Variants in CGNL1 observed in about 807,000 individuals in gnomAD.
CGNL1 encodes cingulin like 1, also known as cingulin-like protein 1.
Under a neutral mutation model 141.2 loss-of-function variants are expected in CGNL1, and 132 were observed. The observed-to-expected ratio is 0.93, with a 90% CI of 0.81 to 1.08. The LOEUF is 1.08. Ranked by LOEUF, CGNL1 falls within the 50% of genes least tolerant of loss-of-function variation. The pLI, the probability that CGNL1 is intolerant of heterozygous loss-of-function variation, is 0.00. For missense variants in CGNL1, 1,870 were observed against 1,588.6 expected (o/e 1.18, Z -3.01); for synonymous variants, 690 against 622.1 (o/e 1.11, Z -1.63).
Position 57,516,844 on chromosome 15 carries a change from G to T in CGNL1, c.2468G>T (p.Arg823Leu), listed in dbSNP as rs369076482. The T allele has an allele frequency of 6.2e-7, 1 of 1,614,160 alleles. No homozygotes were observed. Among genetic ancestry groups the T allele is most frequent in the Admixed American group, 1.7e-5 (1 of 60,032 alleles). The change falls in exon 9 of 19, where the codon CGC becomes CTC. Residue 823 changes from arginine to leucine, a missense_variant. Physicochemically the swap from Arg to Leu is moderately radical, Grantham distance 102. Coordinates refer to ENST00000281282, the MANE Select transcript of CGNL1 (RefSeq NM_032866.5). ...CAAGACCAGGCGGGGACTGAAATGC[G>T]CGTGAAGCTTCTGCAGGAGGAGAAT... The part of the protein sequence containing the change: ...SEQDQAGTEM[R>L]VKLLQEENEK...
At chr15:57,535,443 A>G (rs548311878) in intron 14 of CGNL1, among the ~76,000 whole-genome samples, 20 of 152,328 alleles carry the variant, frequency 1.3e-4, no homozygotes, top group African/African-American at 4.3e-4. Flanking sequence ...TGGAAGAATT[A>G]CTGGAAAGAG....
intron 1 of CGNL1, among the ~76,000 whole-genome samples, chr15:57,388,174 C>T (rs1031300079): frequency 1.3e-5 from 2 of 152,054 alleles, no homozygotes; most frequent in African/African-American, 4.8e-5. Context: ...GATTCTGGGG[C>T]CTTAGGGTCT....
intron 8 of CGNL1, among the ~76,000 whole-genome samples, chr15:57,487,098 C>G (rs1395746392): frequency 6.6e-6 from 1 of 152,104 alleles, no homozygotes; most frequent in African/African-American, 2.4e-5. Context: ...CCAGTGCAAC[C>G]ACACTAAACT....
At chr15:57,435,195 T>C (rs1200670768) in intron 1 of CGNL1, among the ~76,000 whole-genome samples, 1 of 152,130 alleles carries the variant, frequency 6.6e-6, no homozygotes, top group Non-Finnish European at 1.5e-5. Context: ...TGTAAGACCA[T>C]AGTATATAAT....
intron 4 of CGNL1, among the ~76,000 whole-genome samples, chr15:57,447,113 G>A (rs957150740): frequency 3.9e-5 from 6 of 151,978 alleles, no homozygotes; most frequent in East Asian, 3.9e-4. Context: ...TGGAACTGAC[G>A]TCTTAATATT....
intron 12 of CGNL1, 92 bp downstream of exon 12, chr15:57,524,843 C>A: frequency 7.8e-7 from 1 of 1,281,742 alleles, no homozygotes; most frequent in Non-Finnish European, 1.1e-6. Context: ...GGGGTAGATT[C>A]GTGAGACAGC....
In CGNL1 at chr15:57,531,752, T is replaced by C. The variant is rs755628911; in HGVS notation, c.3264T>C (p.Ser1088=). 17 of 1,611,630 alleles carry C rather than the reference T, an allele frequency of 1.1e-5. No individual in the cohort carries two copies. The highest frequency in any genetic ancestry group is 1.4e-5 in the Non-Finnish European group (17 of 1,177,718). Residue 1088 remains serine, a synonymous_variant, in exon 14 of 19, where the codon TCT becomes TCC. Transcript: ENST00000281282. Reference sequence around the variant, plus strand: ...AGAGAAACAACTCAGATTTGCTGTCTGAGAGGATCAGTAGGAGCAGGGAAC... The same window carrying C: ...AGAGAAACAACTCAGATTTGCTGTCCGAGAGGATCAGTAGGAGCAGGGAAC... ...EEERNNSDLL[S]ERISRSREQM...
chr15:57,518,607 C>T, intron 10 of CGNL1, 110 bp downstream of exon 10: 1 of 722,558 alleles, frequency 1.4e-6, no homozygotes, highest in Non-Finnish European at 2.4e-6. Flanking sequence ...ATGTAGCTCC[C>T]TTTCACCCAT....
At chr15:57,424,246 C>T (rs1179552779) in intron 1 of CGNL1, among the ~76,000 whole-genome samples, 4 of 152,218 alleles carry the variant, frequency 2.6e-5, no homozygotes, top group East Asian at 1.9e-4. Context: ...GGCACTCACA[C>T]GGCTTAGATC....
At chr15:57,444,660 A>T (rs1374362085) in intron 4 of CGNL1, among the ~76,000 whole-genome samples, 3 of 152,124 alleles carry the variant, frequency 2.0e-5, no homozygotes, top group Admixed American at 6.5e-5. Context: ...ATTATTTGTG[A>T]GAAGAAGGGA....
rs560047847 is a variant in CGNL1, at chr15:57,394,404, C to T, written c.-16+17837C>T. On this transcript the variant is annotated intron_variant, in intron 1 of 18. Transcript: ENST00000281282. ...CCTCCCAAAGTGCTGGGATTACAGG[C>T]GTGAACCACCATGCCCGGCTTATTT... 3.2e-4 allele frequency among the ~76,000 whole-genome samples: 48 copies of T among 152,196 alleles called. 2 individuals are homozygous for T. In the South Asian group the frequency reaches 8.9e-3, roughly 28 times the overall value.
intron 1 of CGNL1, chr15:57,407,361 C>G (rs141751828): frequency 1.3e-5 from 2 of 151,958 alleles, no homozygotes; most frequent in African/African-American, 4.8e-5. Context: ...TAAGTAATTG[C>G]GAAAAAATAG....
At chr15:57,515,613 A>T (rs1238588698) in intron 8 of CGNL1, among the ~76,000 whole-genome samples, 3 of 152,058 alleles carry the variant, frequency 2.0e-5, no homozygotes, top group Non-Finnish European at 4.4e-5. Context: ...CTGCCTGGAG[A>T]GGTGGAATGT....
chr15:57,492,328 C>T (rs557250952), intron 8 of CGNL1, among the ~76,000 whole-genome samples: 1 of 152,278 alleles, frequency 6.6e-6, no homozygotes, highest in African/African-American at 2.4e-5. Context: ...TCCTCAGAGG[C>T]ATCACACACA....
intron 1 of CGNL1, among the ~76,000 whole-genome samples, chr15:57,391,109 A>C (rs1236173567): frequency 6.6e-6 from 1 of 152,208 alleles, no homozygotes; most frequent in Non-Finnish European, 1.5e-5. Flanking sequence ...GTCTTCAGCC[A>C]ACCAGCTCAA....
chr15:57,537,855 G>A (rs2032345835), intron 14 of CGNL1, among the ~76,000 whole-genome samples: 1 of 152,200 alleles, frequency 6.6e-6, no homozygotes, highest in Non-Finnish European at 1.5e-5. Flanking sequence ...TAATTTGACT[G>A]GAAAGTTTTT....
intron 9 of CGNL1, among the ~76,000 whole-genome samples, chr15:57,517,467 G>A (rs1411299984): frequency 6.6e-6 from 1 of 152,194 alleles, no homozygotes; most frequent in African/African-American, 2.4e-5. Context: ...AGTAGGAAAG[G>A]GCAGCTGACA....
chr15:57,377,134 C>T (rs1333009951), intron 1 of CGNL1: 1 of 152,222 alleles, frequency 6.6e-6, no homozygotes, highest in South Asian at 2.1e-4. Context: ...CGGGACTTTT[C>T]CAAGTTGCAT....
intron 1 of CGNL1, among the ~76,000 whole-genome samples, chr15:57,408,775 C>T (rs1263437785): frequency 6.6e-6 from 1 of 152,102 alleles, no homozygotes; most frequent in Admixed American, 6.5e-5. Context: ...GTGGCTCATG[C>T]CTGTAATCCC....
Sources: gnomAD v4.1 joint callset for allele counts (sites outside exome capture counted in the v4.1 genomes callset) on GRCh38, gnomAD v4.1.1 for gene constraint, MANE v1.5 for transcripts, NCBI Gene and HGNC (gene_info 2026-07-23, HGNC 2026-07-21) for gene names.